The following RIMS2 variants were observed in gnomAD, a reference collection of about 807,000 sequenced individuals.
The protein encoded by RIMS2 is regulating synaptic membrane exocytosis 2, also known as regulating synaptic membrane exocytosis protein 2.
Under a neutral mutation model 174.4 loss-of-function variants are expected in RIMS2, and 59 were observed. The ratio of observed to expected loss-of-function variants is 0.34; its 90% CI spans 0.27 to 0.42. RIMS2 has a LOEUF of 0.42. Among genes scored for constraint, RIMS2 ranks in the 10% least tolerant of loss-of-function variants. The pLI, the probability that RIMS2 is intolerant of heterozygous loss-of-function variation, is 1.00. For missense variants in RIMS2, 1,620 were observed against 1,666.3 expected, an observed-to-expected ratio of 0.97 and a Z score of 0.48; for synonymous variants, 606 against 572.5, an observed-to-expected ratio of 1.06 and a Z score of -0.84.
At chr8:104,150,087 A>AT (rs549949973) in intron 19 of RIMS2, among the ~76,000 whole-genome samples, 1 of 152,244 alleles carries the variant, frequency 6.6e-6, no homozygotes, top group Non-Finnish European at 1.5e-5. Context: ...AATATGATAC[A>AT]TGTTGGCCTT....
At chr8:103,819,538 A>C (rs763321505) in intron 3 of RIMS2, 1 of 1,613,202 alleles carries the variant, frequency 6.2e-7, no homozygotes, top group African/African-American at 1.3e-5. Context: ...CCAGGTCTGC[A>C]ATTCTGTTTT....
At chr8:103,708,767 T>G (rs535839413) in intron 2 of RIMS2, among the ~76,000 whole-genome samples, 2 of 152,304 alleles carry the variant, frequency 1.3e-5, no homozygotes, top group Non-Finnish European at 2.9e-5. Flanking sequence ...TGTGTGCAAT[T>G]AAATTGTTTT....
intron 19 of RIMS2, among the ~76,000 whole-genome samples, chr8:104,187,887 A>T (rs2098976426): frequency 6.6e-6 from 1 of 151,670 alleles, no homozygotes; most frequent in South Asian, 2.1e-4. Flanking sequence ...CATATTTCTT[A>T]GTAATTTTTT....
intron 13 of RIMS2, among the ~76,000 whole-genome samples, chr8:103,940,642 G>C (rs563869746): frequency 6.6e-6 from 1 of 152,156 alleles, no homozygotes; most frequent in Non-Finnish European, 1.5e-5. Context: ...TTGGGAGGCC[G>C]AGGGGGGCAG....
Position 103,514,915 on chromosome 8 carries a change from CAACAAAAA to C in RIMS2, c.176+13872_176+13879del, listed in dbSNP as rs1235766994. On this transcript the variant is annotated intron_variant, in intron 1 of 23. Transcript: ENST00000504942. The stretch of plus-strand genomic sequence containing the variant: ...TCTGTCTCAAAAACAACAACAACAA[CAACAAAAA>C]AACAAAAAAACAAAAAAAAACACAC... 3.7e-4 allele frequency among the ~76,000 whole-genome samples: 55 copies of C among 149,284 alleles called. 1 individual carries two copies. Among genetic ancestry groups the C allele is most frequent in the Non-Finnish European group, 1.8e-4 (12 of 67,138 alleles).
chr8:103,780,850 G>C (rs577685184), intron 3 of RIMS2, among the ~76,000 whole-genome samples: 24 of 151,952 alleles, frequency 1.6e-4, no homozygotes, highest in African/African-American at 5.3e-4. Context: ...AATCTTCCCT[G>C]TCTGGCTTGT....
At chr8:103,797,057 TAAAG>T (rs2098554713) in intron 3 of RIMS2, among the ~76,000 whole-genome samples, 1 of 152,150 alleles carries the variant, frequency 6.6e-6, no homozygotes, top group Non-Finnish European at 1.5e-5. Context: ...AGTTAAGACT[TAAAG>T]GAAGTGAAGA....
intron 1 of RIMS2, among the ~76,000 whole-genome samples, chr8:103,506,064 T>C (rs936184065): frequency 6.6e-6 from 1 of 152,130 alleles, no homozygotes; most frequent in Non-Finnish European, 1.5e-5. Context: ...TTTTAAAAAG[T>C]ACCAATTGAA....
chr8:103,599,024 C>T (rs566096673), intron 1 of RIMS2, among the ~76,000 whole-genome samples: 43 of 151,960 alleles, frequency 2.8e-4, no homozygotes, highest in Non-Finnish European at 5.7e-4. Flanking sequence ...TGAATATTTT[C>T]TCCTCAATTT....
intron 1 of RIMS2, among the ~76,000 whole-genome samples, chr8:103,521,659 T>C (rs1831736752): frequency 6.6e-6 from 1 of 152,078 alleles, no homozygotes; most frequent in Non-Finnish European, 1.5e-5. Flanking sequence ...TTTTGCTGTG[T>C]GTTTTGCTTT....
At chr8:104,135,908 A>G (rs1447844918) in intron 19 of RIMS2, among the ~76,000 whole-genome samples, 3 of 152,292 alleles carry the variant, frequency 2.0e-5, no homozygotes, top group African/African-American at 2.4e-5. Context: ...GAAAGGAGAC[A>G]GAAAGCCTTG....
At chr8:103,648,714 A>C (rs1166336620) in intron 1 of RIMS2, among the ~76,000 whole-genome samples, 1 of 151,660 alleles carries the variant, frequency 6.6e-6, no homozygotes, top group Non-Finnish European at 1.5e-5. Context: ...GTCTTTTTTG[A>C]TCTTTGTTGG....
intron 1 of RIMS2, among the ~76,000 whole-genome samples, chr8:103,541,200 A>T (rs747801878): frequency 5.3e-5 from 8 of 152,236 alleles, no homozygotes; most frequent in Non-Finnish European, 8.8e-5. Context: ...TCAAGGCATG[A>T]TCAAACCATC....
At chr8:103,700,697 C>T (rs1296434518) in intron 2 of RIMS2, among the ~76,000 whole-genome samples, 2 of 151,600 alleles carry the variant, frequency 1.3e-5, no homozygotes, top group Non-Finnish European at 1.5e-5. Flanking sequence ...GTCATCTGTT[C>T]TTTGTTTTTT....
chr8:103,773,836 A>G (rs1461088612), intron 3 of RIMS2, among the ~76,000 whole-genome samples: 1 of 152,206 alleles, frequency 6.6e-6, no homozygotes, highest in African/African-American at 2.4e-5. Flanking sequence ...GTGAGAATTC[A>G]GAGGAATTTG....
chr8:104,041,302 G>T, intron 19 of RIMS2, 24 bp from the exon 22 acceptor site: 1 of 688,172 alleles, frequency 1.5e-6, no homozygotes, highest in Non-Finnish European at 2.7e-6. Context: ...GTCTATGTCT[G>T]TCCATTACAC....
At chr8:103,599,617 T>G (rs2094621105) in intron 1 of RIMS2, among the ~76,000 whole-genome samples, 2 of 151,314 alleles carry the variant, frequency 1.3e-5, no homozygotes, top group South Asian at 2.1e-4. Context: ...TAATTAATTT[T>G]TTTTGTTTTG....
At chr8:104,178,988 T>C (rs2135832509) in intron 19 of RIMS2, among the ~76,000 whole-genome samples, 1 of 152,206 alleles carries the variant, frequency 6.6e-6, no homozygotes, top group African/African-American at 2.4e-5. Context: ...TTTCATTAAG[T>C]AGAATGAGAG....
intron 19 of RIMS2, among the ~76,000 whole-genome samples, chr8:104,136,993 T>A (rs2098526343): frequency 6.6e-6 from 1 of 152,192 alleles, no homozygotes; most frequent in Non-Finnish European, 1.5e-5. Context: ...ATAAATAATC[T>A]GAAAATTAAC....
Sources: gnomAD v4.1 joint callset for allele counts (sites outside exome capture counted in the v4.1 genomes callset) on GRCh38, gnomAD v4.1.1 for gene constraint, MANE v1.5 for transcripts, NCBI Gene and HGNC (gene_info 2026-07-23, HGNC 2026-07-21) for gene names.